WDR70: variants seen among roughly 807,000 people sequenced by gnomAD.
WDR70 encodes WD repeat-containing protein 70.
A neutral mutation model predicts 88.6 loss-of-function variants in WDR70; 53 were observed. That is an observed-to-expected ratio of 0.60 (90% CI 0.48 to 0.75). The LOEUF is 0.75. Ranked by LOEUF, WDR70 falls within the 30% of genes least tolerant of loss-of-function variation. WDR70 has a pLI of 0.00. For missense variants in WDR70, 610 were observed against 823.2 expected, an observed-to-expected ratio of 0.74 and a Z score of 3.17; for synonymous variants, 280 against 270.0, an observed-to-expected ratio of 1.04 and a Z score of -0.36.
At chr5:37,549,760 A>G (rs1046487754) in intron 9 of WDR70, among the ~76,000 whole-genome samples, 1 of 152,146 alleles carries the variant, frequency 6.6e-6, no homozygotes, top group African/African-American at 2.4e-5. Flanking sequence ...TCAGTATGAT[A>G]CTAGCTGTGG....
At chr5:37,447,274 A>G (rs939967752) in intron 7 of WDR70, among the ~76,000 whole-genome samples, 24 of 152,190 alleles carry the variant, frequency 1.6e-4, no homozygotes, top group Admixed American at 4.6e-4. Context: ...TGATCATTAC[A>G]AAGTCAGGAA....
chr5:37,658,347 T>A (rs1332649319), intron 10 of WDR70, among the ~76,000 whole-genome samples: 1 of 152,034 alleles, frequency 6.6e-6, no homozygotes, highest in Non-Finnish European at 1.5e-5. Flanking sequence ...GGAAATTCCT[T>A]TATTGACAAC....
intron 5 of WDR70, among the ~76,000 whole-genome samples, chr5:37,415,108 T>C (rs574532363): frequency 0.011 from 1,598 of 149,068 alleles, 30 homozygotes; most frequent in African/African-American, 0.038. Flanking sequence ...GGTAAGGTCA[T>C]AGATCAACAG....
At chr5:37,592,056 A>G (rs781449772) in intron 9 of WDR70, among the ~76,000 whole-genome samples, 7 of 152,210 alleles carry the variant, frequency 4.6e-5, no homozygotes, top group Non-Finnish European at 8.8e-5. Flanking sequence ...TGAAAAACCT[A>G]CAGGTTCAGG....
chr5:37,476,033 TA>T (rs2112146766), intron 7 of WDR70, among the ~76,000 whole-genome samples: 1 of 151,802 alleles, frequency 6.6e-6, no homozygotes, highest in Non-Finnish European at 1.5e-5. Context: ...GCATTTTTAG[TA>T]TAGATGGGGT....
At chr5:37,410,800 G>C (rs1277020156) in intron 5 of WDR70, among the ~76,000 whole-genome samples, 1 of 152,148 alleles carries the variant, frequency 6.6e-6, no homozygotes. Context: ...ATGGAAAATG[G>C]AAGTAGGTAT....
chr5:37,675,215 T>C (rs1369351438), intron 10 of WDR70, among the ~76,000 whole-genome samples: 2 of 152,124 alleles, frequency 1.3e-5, no homozygotes, highest in Non-Finnish European at 2.9e-5. Flanking sequence ...TTTCTTTTGC[T>C]GTGCAGAAGC....
chr5:37,539,102 T>C lies in WDR70; in HGVS notation c.917+22512T>C, dbSNP rs371262631. 8.0e-4 allele frequency among the ~76,000 whole-genome samples: 122 copies of C among 152,328 alleles called. 1 individual carries two copies. The South Asian group carries it at 0.025, about 31-fold the overall frequency. On this transcript the variant is annotated intron_variant, in intron 9 of 17. Transcript: ENST00000265107. ...TCTATTACATACTCAGGAATTTTTA[T>C]CTCCAGGTTGGTTCAGATCTGTTAC...
intron 10 of WDR70, among the ~76,000 whole-genome samples, chr5:37,619,821 A>T (rs1386910074): frequency 6.6e-6 from 1 of 151,618 alleles, no homozygotes; most frequent in East Asian, 1.9e-4. Context: ...AAAACTTTTC[A>T]GAAATGTTTA....
chr5:37,711,987 C>T (rs116859637), intron 13 of WDR70, among the ~76,000 whole-genome samples: 287 of 103,802 alleles, frequency 2.8e-3, no homozygotes, highest in Middle Eastern at 0.024. Flanking sequence ...TATATTTTTT[C>T]TTTTTTTTTT....
In WDR70 at chr5:37,605,098, A is replaced by C. The variant is rs1743996504; in HGVS notation, c.952A>C (p.Lys318Gln). Residue 318 changes from lysine (K) to glutamine (Q), a missense_variant, in exon 10 of 18, where the codon AAG becomes CAG. Around this residue, in one of 4 missense-constraint regions of WDR70, gnomAD observed 254 missense variants for 300.7 expected, o/e 0.84. Transcript: ENST00000265107. ...GACGTGGGAAGTTGAAAATCCAAAG[A>C]AGCAAAAAAGTGTGTTTAAACCACG... The part of the protein sequence containing the change: ...VRTWEVENPK[K>Q]QKSVFKPRTM... 6.2e-7 allele frequency: 1 copy of C among 1,612,578 alleles called. No homozygotes were observed. The highest frequency in any genetic ancestry group is 1.7e-4 in the Middle Eastern group (1 of 6,050).
chr5:37,573,162 T>G (rs10223294), intron 9 of WDR70, among the ~76,000 whole-genome samples: 5,279 of 152,222 alleles, frequency 0.035, 315 homozygotes, highest in African/African-American at 0.12. Context: ...AACCTGTGGG[T>G]TTTTTTCTCC....
rs1404039600 is a variant in WDR70, at chr5:37,697,703, ACTT to A, written c.1145_1147del (p.Ser382del). ...ACAGGCTCATGACTCGGGCACAGAC[ACTT>A]CTTGCGTGACTTTTTCCTATGATGG... On this transcript the variant is annotated inframe_deletion, in exon 11 of 18. Transcript: ENST00000265107. The A allele has an allele frequency of 5.6e-6, 9 of 1,613,706 alleles. No individual in the cohort carries two copies. The highest frequency in any genetic ancestry group is 7.6e-6 in the Non-Finnish European group (9 of 1,179,782).
chr5:37,455,922 A>G (rs759893050), intron 7 of WDR70, among the ~76,000 whole-genome samples: 1 of 151,954 alleles, frequency 6.6e-6, no homozygotes, highest in South Asian at 2.1e-4. Context: ...TGCCTCTGTC[A>G]GTAGTTTTGT....
At chr5:37,713,106 C>G (rs1747562451) in intron 13 of WDR70, among the ~76,000 whole-genome samples, 1 of 152,160 alleles carries the variant, frequency 6.6e-6, no homozygotes. Flanking sequence ...ATAACGTTTA[C>G]TGTAGGAATC....
rs574058901 is a variant in WDR70 at position 37,660,133 on chromosome 5, G to A, written c.1093-37522G>A. Among the ~76,000 whole-genome samples, 31 of 152,146 alleles carry A rather than the reference G, an allele frequency of 2.0e-4. No homozygotes were observed. In the South Asian group the frequency reaches 6.0e-3, roughly 30 times the overall value. On this transcript the variant is annotated intron_variant, in intron 10 of 17. Transcript: ENST00000265107. ...ATCTGTTAATTGATAGAAATCAATT[G>A]CTAATTGAGTTCTATTTTAATCCCA...
At chr5:37,685,946 A>G (rs113932272) in intron 10 of WDR70, among the ~76,000 whole-genome samples, 34 of 152,170 alleles carry the variant, frequency 2.2e-4, no homozygotes, top group African/African-American at 7.7e-4. Flanking sequence ...GTCTACTCGC[A>G]GTGTCTTCCC....
intron 8 of WDR70, among the ~76,000 whole-genome samples, chr5:37,482,174 A>C (rs1450434065): frequency 6.6e-6 from 1 of 152,114 alleles, no homozygotes; most frequent in Non-Finnish European, 1.5e-5. Flanking sequence ...TGAGCCTTCC[A>C]AACTGTTCCA....
chr5:37,571,621 T>C (rs561328188), intron 9 of WDR70, among the ~76,000 whole-genome samples: 1 of 152,266 alleles, frequency 6.6e-6, no homozygotes, highest in East Asian at 1.9e-4. Flanking sequence ...GGGATAAAGG[T>C]TACCTTTGAT....
Sources: allele counts gnomAD v4.1 joint callset (sites outside exome capture counted in the v4.1 genomes callset), GRCh38; gene constraint gnomAD v4.1.1; regional missense constraint gnomAD v4.1.1; transcripts MANE v1.5; gene names NCBI Gene and HGNC (gene_info 2026-07-23, HGNC 2026-07-21).